The following LRRC15 variants were observed in gnomAD, a reference collection of about 807,000 sequenced individuals.
The protein encoded by LRRC15 is leucine rich repeat containing 15, also known as leucine-rich repeat-containing protein 15.
A neutral mutation model predicts 4.3 loss-of-function variants in LRRC15; 5 were observed. That is an observed-to-expected ratio of 1.16 (90% CI 0.61 to 2.44). The LOEUF (loss-of-function observed/expected upper bound fraction) is 2.44, where lower values mean the gene tolerates loss of function less well. Among genes scored for constraint, LRRC15 ranks in the 30% most tolerant of loss-of-function variants. The pLI, the probability that LRRC15 is intolerant of heterozygous loss-of-function variation, is 0.01. For missense variants in LRRC15, 769 were observed against 747.0 expected (o/e 1.03, Z -0.34); for synonymous variants, 337 against 323.2 (o/e 1.04, Z -0.46).
At chr3:194,369,124 C>G (rs976843257) in intron 1 of LRRC15, among the ~76,000 whole-genome samples, 1 of 152,248 alleles carries the variant, frequency 6.6e-6, no homozygotes, top group Non-Finnish European at 1.5e-5. Context: ...AGTTATCCAT[C>G]TATGCAAAGC....
chr3:194,368,482 G>A (rs901034928), intron 1 of LRRC15, among the ~76,000 whole-genome samples: 2 of 152,154 alleles, frequency 1.3e-5, no homozygotes, highest in African/African-American at 4.8e-5. Flanking sequence ...CAAGACCACA[G>A]GCAAATTGGG....
In LRRC15 at chr3:194,364,623, GGC is replaced by G. The variant is rs1162835159; in HGVS notation, c.-3-3579_-3-3578del. 2.6e-5 allele frequency among the ~76,000 whole-genome samples: 4 copies of G among 152,278 alleles called. No individual in the cohort carries two copies. The South Asian group carries it at 6.2e-4, about 24-fold the overall frequency. ...AGGGGCATCAAGCCAGCCCAGGAAG[GGC>G]TTGTGCCAGGGAAGGTGCCCCTTGA... On this transcript the variant is annotated intron_variant, in intron 1 of 1. Transcript: ENST00000347624.
At chr3:194,366,470 TC>T (rs1713782719) in intron 1 of LRRC15, among the ~76,000 whole-genome samples, 1 of 152,150 alleles carries the variant, frequency 6.6e-6, no homozygotes, top group Non-Finnish European at 1.5e-5. Flanking sequence ...TTTACAAACT[TC>T]CCAAGTGACT....
chr3:194,360,147 C>T lies in LRRC15; in HGVS notation c.897G>A (p.Trp299Ter), dbSNP rs1713567893. The change falls in exon 2 of 2, where the codon TGG (tryptophan) becomes TGA (stop). Residue 299 changes from tryptophan to a stop codon, truncating the protein, a stop_gained. Coordinates refer to ENST00000347624, the MANE Select transcript of LRRC15 (RefSeq NM_130830.5). LOFTEE classifies it low-confidence loss of function (END_TRUNC). ...FGPMPNLREL[W>*]LYDNHISSLP... ...GAGAAGAGATGTGGTTGTCATAGAG[C>T]CAAAGCTCCCGCAGGTTGGGCATGG... 1 of 1,614,078 alleles carries T rather than the reference C, an allele frequency of 6.2e-7. No homozygotes were observed. The highest frequency in any genetic ancestry group is 1.3e-5 in the African/African-American group (1 of 74,922).
At position 194,358,448 on chromosome 3, in the gene LRRC15, T is replaced by C. The variant is rs1713496167; in HGVS notation, c.*850A>G. ...ACCAGATTTCTTTCTCTATCCCGTA[T>C]TAATAAGCTGATTTTAATGTTTTTA... On this transcript the variant is annotated 3_prime_UTR_variant, in exon 2 of 2. Coordinates refer to ENST00000347624, the MANE Select transcript of LRRC15 (RefSeq NM_130830.5). 1 of 152,246 alleles carries C rather than the reference T, an allele frequency of 6.6e-6. No individual in the cohort carries two copies. The highest frequency in any genetic ancestry group is 2.1e-4 in the South Asian group (1 of 4,834). 9.4% of individuals were successfully genotyped at this position (152,246 alleles called of 1,614,324 possible). A position where few individuals can be genotyped will look rare whatever the true frequency, so the allele number is the denominator to read the frequency against.
rs142950700 is a variant in LRRC15 at position 194,360,095 on chromosome 3, G to C, written c.949C>G (p.Arg317Gly). ...CTAAGAATCAGGACCTGCAACTGGC[G>C]GAGGTTGCTGAAGACATTGTCGGGT... ...SLPDNVFSNL[R>G]QLQVLILSRN... is the part of the protein sequence containing the mutation. Residue 317 changes from arginine to glycine, a missense_variant, in exon 2 of 2, where the codon CGC becomes GGC. Physicochemically the swap from Arg to Gly is moderately radical, Grantham distance 125. Coordinates refer to ENST00000347624, the MANE Select transcript of LRRC15 (RefSeq NM_130830.5). The C allele has an allele frequency of 6.2e-7, 1 of 1,614,234 alleles. No individual in the cohort carries two copies. The highest frequency in any genetic ancestry group is 1.1e-5 in the South Asian group (1 of 91,088).
chr3:194,362,336 T>G (rs1713654061), intron 1 of LRRC15, among the ~76,000 whole-genome samples: 2 of 152,142 alleles, frequency 1.3e-5, no homozygotes, highest in South Asian at 4.1e-4. Flanking sequence ...GCGGAAAGGA[T>G]GCAGGGTCAT....
chr3:194,369,736 A>C lies in LRRC15; in HGVS notation c.-79T>G, dbSNP rs772656111. ...ACGAGGGACGGCTCAAGGCTGCAGC[A>C]TGAGTGTGGCTCGCCTAAGCTGTCC... On this transcript the variant is annotated 5_prime_UTR_variant, in exon 1 of 2. The change abolishes an upstream ATG in the 5' untranslated region. Coordinates refer to ENST00000347624, the MANE Select transcript of LRRC15 (RefSeq NM_130830.5). 6.6e-6 allele frequency: 1 copy of C among 152,268 alleles called. No individual in the cohort carries two copies. Among genetic ancestry groups the C allele is most frequent in the African/African-American group, 2.4e-5 (1 of 41,440 alleles). 9.4% of individuals were successfully genotyped at this position (152,268 alleles called of 1,614,324 possible).
Position 194,360,614 on chromosome 3 carries a change from G to A in LRRC15, c.430C>T (p.His144Tyr), listed in dbSNP as rs760856572. 11 of 1,614,098 alleles carry A rather than the reference G, an allele frequency of 6.8e-6. No individual in the cohort carries two copies. The highest frequency in any genetic ancestry group is 6.7e-5 in the African/African-American group (5 of 74,924). The change falls in exon 2 of 2, where the codon CAC becomes TAC. Residue 144 changes from histidine to tyrosine, a missense_variant. Transcript: ENST00000347624. ...TTGAGGTTGCTGCACTGGGAGAAGT[G>A]GGCCGGCTGGATCTGCAACAGCTGG... ...SNQLLQIQPA[H>Y]FSQCSNLKEL...
chr3:194,364,931 C>T (rs1713735123), intron 1 of LRRC15, among the ~76,000 whole-genome samples: 1 of 152,232 alleles, frequency 6.6e-6, no homozygotes, highest in Admixed American at 6.5e-5. Flanking sequence ...AGAACCAGGA[C>T]TGACAGCTGG....
chr3:194,366,520 C>T (rs564162784), intron 1 of LRRC15, among the ~76,000 whole-genome samples: 8 of 151,908 alleles, frequency 5.3e-5, no homozygotes, highest in African/African-American at 1.9e-4. Flanking sequence ...AGAAACACCA[C>T]GTGAGGTCTA....
At chr3:194,361,171 A>T in intron 1 of LRRC15, 125 bp from the exon 2 acceptor site, 1 of 750,454 alleles carries the variant, frequency 1.3e-6, no homozygotes, top group Non-Finnish European at 2.0e-6. Flanking sequence ...CATACTGAAC[A>T]CATGCTCTCT....
At chr3:194,363,959 A>C (rs1409397077) in intron 1 of LRRC15, among the ~76,000 whole-genome samples, 1 of 152,222 alleles carries the variant, frequency 6.6e-6, no homozygotes, top group East Asian at 1.9e-4. Flanking sequence ...ATACAGAAAG[A>C]ACCTAGCTCA....
At position 194,359,624 on chromosome 3, in the gene LRRC15, G is replaced by A; in HGVS notation, c.1420C>T (p.Pro474Ser). The change falls in exon 2 of 2, where the codon CCA becomes TCA. Residue 474 changes from proline to serine, a missense_variant. By Grantham distance (74) the Pro-to-Ser change is moderately conservative. Transcript: ENST00000347624. ...GGCACCTCGGGGACATGGACGCTTG[G>A]AACAGCAACGTTGACATTGATGATA... is the stretch of plus-strand genomic sequence containing the variant. ...LIIINVNVAV[P>S]SVHVPEVPSY... 6.2e-7 allele frequency: 1 copy of A among 1,613,932 alleles called. No homozygotes were observed. Among genetic ancestry groups the A allele is most frequent in the Non-Finnish European group, 8.5e-7 (1 of 1,179,920 alleles).
rs1317706143 is a variant in LRRC15, at chr3:194,356,018, G to A, written c.*3280C>T. 1 of 152,168 alleles carries A rather than the reference G, an allele frequency of 6.6e-6. No individual in the cohort carries two copies. The highest frequency in any genetic ancestry group is 1.5e-5 in the Non-Finnish European group (1 of 68,034). The allele number at this position is 152,168 out of a possible 1,614,324, so 9.4% of individuals were successfully genotyped here. ...ACCAAGACTAAGGAGAGCAACAGGG[G>A]AATGGCTTCCATTTCCTTTGGTTTA... On this transcript the variant is annotated 3_prime_UTR_variant, in exon 2 of 2. Coordinates refer to ENST00000347624, the MANE Select transcript of LRRC15 (RefSeq NM_130830.5).
chr3:194,357,756 C>T lies in LRRC15; in HGVS notation c.*1542G>A, dbSNP rs1713474500. The T allele has an allele frequency of 6.6e-6, 1 of 152,198 alleles. No homozygotes were observed. Among genetic ancestry groups the T allele is most frequent in the Non-Finnish European group, 1.5e-5 (1 of 68,048 alleles). The allele number at this position is 152,198 out of a possible 1,614,324, so 9.4% of individuals were successfully genotyped here. The stretch of plus-strand genomic sequence containing the variant: ...ATTCTGAAGTTCAGCTGCCAGCTGA[C>T]TGTGATGTTGATGGAGAATTTTACC... On this transcript the variant is annotated 3_prime_UTR_variant, in exon 2 of 2. Coordinates refer to ENST00000347624, the MANE Select transcript of LRRC15 (RefSeq NM_130830.5).
Position 194,356,999 on chromosome 3 carries a change from A to G in LRRC15, c.*2299T>C, listed in dbSNP as rs1247157066. The G allele has an allele frequency of 6.6e-6, 1 of 152,300 alleles. No homozygotes were observed. The highest frequency in any genetic ancestry group is 2.4e-5 in the African/African-American group (1 of 41,460). 9.4% of individuals were successfully genotyped at this position (152,300 alleles called of 1,614,324 possible). On this transcript the variant is annotated 3_prime_UTR_variant, in exon 2 of 2. Coordinates refer to ENST00000347624, the MANE Select transcript of LRRC15 (RefSeq NM_130830.5). ...TGTTGGCTCTGGCAAGCCTTGGTGC[A>G]TGTCCTCCAGGTGCCACCAATAGTG...
Position 194,363,191 on chromosome 3 carries a change from G to A in LRRC15, c.-3-2145C>T, listed in dbSNP as rs111331973. On this transcript the variant is annotated intron_variant, in intron 1 of 1. Coordinates refer to ENST00000347624, the MANE Select transcript of LRRC15 (RefSeq NM_130830.5). ...CCTGACCTCGTGATCTGCCCACCTCGGTCTCCCAAAGTGCTGGGATTACAG... is the reference window on the plus strand; with the variant it reads ...CCTGACCTCGTGATCTGCCCACCTCAGTCTCCCAAAGTGCTGGGATTACAG... 5.3e-3 allele frequency among the ~76,000 whole-genome samples: 799 copies of A among 152,020 alleles called. 3 individuals carry two copies. Among genetic ancestry groups the A allele is most frequent in the African/African-American group, 0.018 (766 of 41,476 alleles).
At chr3:194,368,347 G>A (rs1422276961) in intron 1 of LRRC15, among the ~76,000 whole-genome samples, 3 of 152,250 alleles carry the variant, frequency 2.0e-5, no homozygotes, top group African/African-American at 4.8e-5. Flanking sequence ...AGCTAAGGGA[G>A]TGTTCCCTAG....
Sources: allele counts gnomAD v4.1 joint callset (sites outside exome capture counted in the v4.1 genomes callset), GRCh38; gene constraint gnomAD v4.1.1; transcripts MANE v1.5; gene names NCBI Gene and HGNC (gene_info 2026-07-23, HGNC 2026-07-21).